Variants in MAP3K3 observed in about 807,000 individuals in gnomAD.
MAP3K3 encodes the protein mitogen-activated protein kinase kinase kinase 3.
In MAP3K3, 12 loss-of-function variants were observed where a neutral mutation model predicts 80.9. That is an observed-to-expected ratio of 0.15 (90% CI 0.10 to 0.24). The LOEUF is 0.24. Among genes scored for constraint, MAP3K3 ranks in the 10% least tolerant of loss-of-function variants. The pLI is 1.00. For missense variants in MAP3K3, 596 were observed against 834.7 expected (o/e 0.71, Z 3.52); for synonymous variants, 272 against 307.1 (o/e 0.89, Z 1.19).
At chr17:63,682,750 T>C (rs2035366246) in intron 7 of MAP3K3, 1 of 152,258 alleles carries the variant, frequency 6.6e-6, no homozygotes, top group Non-Finnish European at 1.5e-5. Context: ...GAGAATCTTT[T>C]GCTCCAATCT....
At chr17:63,665,356 G>C (rs1434714015) in intron 5 of MAP3K3, among the ~76,000 whole-genome samples, 1 of 151,932 alleles carries the variant, frequency 6.6e-6, no homozygotes, top group Non-Finnish European at 1.5e-5. Flanking sequence ...TATTAGAGAC[G>C]GGGTTCCACT....
rs2035642418 is a variant in MAP3K3 at position 63,693,892 on chromosome 17, C to A, written c.*115C>A. Reference sequence around the variant, plus strand: ...AAGGCTGTGGACCATGGAGTGGCAGCCCAGCCAGCGTCGGTCTGTGCCCCT... The same window carrying A: ...AAGGCTGTGGACCATGGAGTGGCAGACCAGCCAGCGTCGGTCTGTGCCCCT... On this transcript the variant is annotated 3_prime_UTR_variant, in exon 16 of 16. Transcript: ENST00000361733. This position sits in a 1 kb window ranked among gnomAD's most constrained non-coding sequence, Gnocchi z 4.2. 2 of 920,010 alleles carry A rather than the reference C, an allele frequency of 2.2e-6. No homozygotes were observed. Among genetic ancestry groups the A allele is most frequent in the Non-Finnish European group, 3.2e-6 (2 of 621,810 alleles). 57.0% of individuals were successfully genotyped at this position (920,010 alleles called of 1,614,324 possible). A position where few individuals can be genotyped will look rare whatever the true frequency, so the allele number is the denominator to read the frequency against.
chr17:63,661,122 T>C (rs1347702050), intron 5 of MAP3K3, among the ~76,000 whole-genome samples: 4 of 151,606 alleles, frequency 2.6e-5, no homozygotes, highest in Admixed American at 1.3e-4. Flanking sequence ...TCTCAGCTCA[T>C]TGCAACCTCC....
At chr17:63,625,308 A>G (rs2034078238) in intron 1 of MAP3K3, among the ~76,000 whole-genome samples, 1 of 152,008 alleles carries the variant, frequency 6.6e-6, no homozygotes, top group South Asian at 2.1e-4. Flanking sequence ...CTTTGATACT[A>G]TGTGGCTATA....
intron 5 of MAP3K3, among the ~76,000 whole-genome samples, chr17:63,660,345 A>G (rs1212475010): frequency 6.6e-6 from 1 of 151,100 alleles, no homozygotes; most frequent in East Asian, 1.9e-4. Context: ...CTGGGACTAC[A>G]GGCGTGTGCC....
At chr17:63,646,130 GCA>G (rs2034537448) in intron 3 of MAP3K3, 56 bp downstream of exon 3, 1 of 1,499,512 alleles carries the variant, frequency 6.7e-7, no homozygotes, top group Non-Finnish European at 9.3e-7. Context: ...TTCTCAGATA[GCA>G]TTGAGTTCAT....
intron 1 of MAP3K3, among the ~76,000 whole-genome samples, chr17:63,631,580 A>G (rs868070384): frequency 3.3e-4 from 51 of 152,286 alleles, no homozygotes; most frequent in African/African-American, 1.2e-3. Flanking sequence ...TCCAAATGCT[A>G]TTTGAATGGG....
chr17:63,671,404 C>T (rs966067602), intron 6 of MAP3K3, among the ~76,000 whole-genome samples: 3 of 151,814 alleles, frequency 2.0e-5, no homozygotes, highest in African/African-American at 4.8e-5. Flanking sequence ...TACAGGCATG[C>T]GCCACCACAC....
chr17:63,673,511 T>C (rs1415547594), intron 6 of MAP3K3, among the ~76,000 whole-genome samples: 1 of 152,216 alleles, frequency 6.6e-6, no homozygotes, highest in African/African-American at 2.4e-5. Context: ...AGACATCCTC[T>C]CTCATACCTT....
chr17:63,687,717 C>T lies in MAP3K3; in HGVS notation c.711-810C>T, dbSNP rs567520700. Among the ~76,000 whole-genome samples the T allele has an allele frequency of 4.7e-5, 7 of 149,430 alleles. No individual in the cohort carries two copies. The South Asian group carries it at 6.4e-4, about 14-fold the overall frequency. On this transcript the variant is annotated intron_variant, in intron 8 of 15. Coordinates refer to ENST00000361733, the MANE Select transcript of MAP3K3 (RefSeq NM_002401.5). Reference sequence around the variant, plus strand: ...AAAAAAAAAAGTCTGGGGCTGGGCGCGGTGGCTCATGCCTGTAGTCCCAGC... The same window carrying T: ...AAAAAAAAAAGTCTGGGGCTGGGCGTGGTGGCTCATGCCTGTAGTCCCAGC...
Position 63,681,812 on chromosome 17 carries a change from T to C in MAP3K3, c.549T>C (p.Pro183=). ...GRSSPPPGYV[P]ERQQHIARQG... ...GCTCACCTCCCCCTGGCTATGTTCC[T>C]GAGCGGCAGCAGCACATTGCCCGGC... is the stretch of plus-strand genomic sequence containing the variant. Residue 183 remains proline (P), a synonymous_variant, in exon 7 of 16, where the codon CCT becomes CCC. Transcript: ENST00000361733. 1 of 1,551,794 alleles carries C rather than the reference T, an allele frequency of 6.4e-7. No homozygotes were observed.
chr17:63,654,249 G>A (rs183418302), intron 4 of MAP3K3, among the ~76,000 whole-genome samples: 5 of 149,216 alleles, frequency 3.4e-5, no homozygotes, highest in Non-Finnish European at 7.5e-5. Context: ...CTCAGCTCTT[G>A]GTAAGCACTT....
chr17:63,695,287 G>A lies in MAP3K3; in HGVS notation c.*1510G>A, dbSNP rs2035669534. 1 of 152,670 alleles carries A rather than the reference G, an allele frequency of 6.6e-6. No homozygotes were observed. The highest frequency in any genetic ancestry group is 2.4e-5 in the African/African-American group (1 of 41,454). 9.5% of individuals were successfully genotyped at this position (152,670 alleles called of 1,614,324 possible). A position where few individuals can be genotyped will look rare whatever the true frequency, so the allele number is the denominator to read the frequency against. ...TTAGCCTTTTCACATCATGTAATGT[G>A]AGGCCTTGTACTTGTTAATTTATAT... On this transcript the variant is annotated 3_prime_UTR_variant, in exon 16 of 16. Transcript: ENST00000361733. This position sits in a 1 kb window ranked among gnomAD's most constrained non-coding sequence, Gnocchi z 4.1.
intron 6 of MAP3K3, among the ~76,000 whole-genome samples, chr17:63,671,231 C>T (rs975122473): frequency 6.0e-5 from 9 of 150,822 alleles, no homozygotes; most frequent in East Asian, 3.9e-4. Context: ...CCCTTGGATC[C>T]TTTGACCCTG....
chr17:63,623,596 G>A (rs2034040238), intron 1 of MAP3K3, among the ~76,000 whole-genome samples: 1 of 152,210 alleles, frequency 6.6e-6, no homozygotes, highest in Admixed American at 6.5e-5. Flanking sequence ...TCTAAGGAAA[G>A]CTTTTAATGT....
At chr17:63,642,975 C>T (rs1598072791) in intron 2 of MAP3K3, among the ~76,000 whole-genome samples, 1 of 151,322 alleles carries the variant, frequency 6.6e-6, no homozygotes, top group African/African-American at 2.4e-5. Flanking sequence ...CCAGACTGAT[C>T]TCAAACTCCT....
intron 2 of MAP3K3, among the ~76,000 whole-genome samples, chr17:63,642,176 C>T (rs550899723): frequency 6.6e-6 from 1 of 152,316 alleles, no homozygotes; most frequent in South Asian, 2.1e-4. Context: ...TTTGTTTACA[C>T]TGCTTTTTAG....
intron 3 of MAP3K3, 109 bp from the exon 4 acceptor site, chr17:63,652,448 A>G: frequency 1.4e-6 from 1 of 730,246 alleles, no homozygotes; most frequent in Non-Finnish European, 2.3e-6. Context: ...AGTGAAAGAA[A>G]ACAGAATCCT....
At position 63,655,738 on chromosome 17, in the gene MAP3K3, C is replaced by T. The variant is rs187976598; in HGVS notation, c.268-2056C>T. On this transcript the variant is annotated intron_variant, in intron 4 of 15. Transcript: ENST00000361733. ...TAAACTCCTGGCCTCAAGTGAGCCTCCCGCCACAGCCTCCTAGGATTACAG... is the reference window on the plus strand; with the variant it reads ...TAAACTCCTGGCCTCAAGTGAGCCTTCCGCCACAGCCTCCTAGGATTACAG... Among the ~76,000 whole-genome samples, 7 of 152,218 alleles carry T rather than the reference C, an allele frequency of 4.6e-5. No individual in the cohort carries two copies. The East Asian group carries it at 1.4e-3, about 29-fold the overall frequency.
Sources: allele counts gnomAD v4.1 joint callset (sites outside exome capture counted in the v4.1 genomes callset), GRCh38; gene constraint gnomAD v4.1.1; non-coding constraint Gnocchi (gnomAD v3.1); transcripts MANE v1.5; gene names NCBI Gene and HGNC (gene_info 2026-07-23, HGNC 2026-07-21).